Variants in TASOR observed in about 807,000 individuals in gnomAD.
TASOR encodes transcription activation suppressor, also known as protein TASOR.
In TASOR, 53 loss-of-function variants were observed where a neutral mutation model predicts 178.6. That is an observed-to-expected ratio of 0.30 (90% CI 0.24 to 0.37). TASOR has a LOEUF of 0.37. Ranked by LOEUF, TASOR falls within the 10% of genes least tolerant of loss-of-function variation. TASOR has a pLI of 1.00. For synonymous variants in TASOR, 713 were observed against 696.2 expected, an observed-to-expected ratio of 1.02 and a Z score of -0.38; for missense variants, 1,815 against 1,971.4, an observed-to-expected ratio of 0.92 and a Z score of 1.50.
Position 56,633,812 on chromosome 3 carries a change from C to G in TASOR, c.2979G>C (p.Val993=). The G allele has an allele frequency of 6.2e-7, 1 of 1,614,186 alleles. No individual in the cohort carries two copies. Among genetic ancestry groups the G allele is most frequent in the Non-Finnish European group, 8.5e-7 (1 of 1,180,042 alleles). The change falls in exon 18 of 24, where the codon GTG becomes GTC. Residue 993 remains valine, a synonymous_variant. Coordinates refer to ENST00000683822, the MANE Select transcript of TASOR (RefSeq NM_001365635.2). ...DTLKGTTEDD[V]LTGQVEEQCV... ...ACTGCTCCTCCACCTGACCTGTCAA[C>G]ACGTCATCCTCAGTGGTGCCCTTTA... is the stretch of plus-strand genomic sequence containing the variant.
intron 6 of TASOR, among the ~76,000 whole-genome samples, chr3:56,666,638 A>G (rs751486256): frequency 6.6e-6 from 1 of 152,218 alleles, no homozygotes; most frequent in African/African-American, 2.4e-5. Flanking sequence ...TGAAGAGTTG[A>G]CCACCGGGAG....
In TASOR at chr3:56,646,682, A is replaced by T; in HGVS notation, c.2055T>A (p.Ile685=). 1 of 1,613,890 alleles carries T rather than the reference A, an allele frequency of 6.2e-7. No homozygotes were observed. The change falls in exon 14 of 24, where the codon ATT becomes ATA. Residue 685 remains isoleucine, a synonymous_variant. Transcript: ENST00000683822. ...DYDKDRVKEL[I]NLIQCRKKSV... is the part of the protein sequence containing the mutation. ...TCTTTTTCCTACACTGAATTAAATT[A>T]ATCAATTCTTTGACTCTATCCTTAT...
At chr3:56,645,444 TA>T (rs1578227501) in intron 14 of TASOR, among the ~76,000 whole-genome samples, 1 of 152,140 alleles carries the variant, frequency 6.6e-6, no homozygotes, top group African/African-American at 2.4e-5. Flanking sequence ...AGTTGCTTAA[TA>T]AAAAGCATAA....
rs1050925961 is a variant in TASOR, at chr3:56,677,613, T to C, written c.332-3888A>G. Reference sequence around the variant, plus strand: ...GAAATATATGATGTGTGTGTGCATATGGGTATTAGACATACAATGTCCAAT... The same window carrying C: ...GAAATATATGATGTGTGTGTGCATACGGGTATTAGACATACAATGTCCAAT... On this transcript the variant is annotated intron_variant, in intron 1 of 23. Transcript: ENST00000683822. 7.2e-5 allele frequency among the ~76,000 whole-genome samples: 11 copies of C among 152,302 alleles called. No individual in the cohort carries two copies. In the East Asian group the frequency reaches 9.6e-4, roughly 13 times the overall value.
chr3:56,620,526 A>G lies in TASOR; in HGVS notation c.*2511T>C. Reference sequence around the variant, plus strand: ...CTTGAGGAAGAGTAAGCTGTGTTTAAAAGTGCCCTTTTCCATGTCGTCATG... The same window carrying G: ...CTTGAGGAAGAGTAAGCTGTGTTTAGAAGTGCCCTTTTCCATGTCGTCATG... On this transcript the variant is annotated 3_prime_UTR_variant, in exon 24 of 24. Coordinates refer to ENST00000683822, the MANE Select transcript of TASOR (RefSeq NM_001365635.2). 6.6e-6 allele frequency: 1 copy of G among 152,312 alleles called. No individual in the cohort carries two copies. Among genetic ancestry groups the G allele is most frequent in the South Asian group, 2.1e-4 (1 of 4,828 alleles). 9.4% of individuals were successfully genotyped at this position (152,312 alleles called of 1,614,324 possible). A position where few individuals can be genotyped will look rare whatever the true frequency, so the allele number is the denominator to read the frequency against.
intron 22 of TASOR, 75 bp downstream of exon 22, chr3:56,624,753 C>A: frequency 1.3e-6 from 2 of 1,551,836 alleles, no homozygotes; most frequent in East Asian, 2.3e-5. Flanking sequence ...TTAGCAATAC[C>A]CACCACAGCC....
At chr3:56,639,293 C>T (rs549144504) in intron 16 of TASOR, among the ~76,000 whole-genome samples, 1 of 141,930 alleles carries the variant, frequency 7.0e-6, no homozygotes, top group East Asian at 2.2e-4. Context: ...AAGACGTATA[C>T]CCTGAAAATA....
chr3:56,644,086 G>C (rs1017464343), intron 14 of TASOR, among the ~76,000 whole-genome samples: 13 of 152,292 alleles, frequency 8.5e-5, no homozygotes, highest in Admixed American at 8.5e-4. Flanking sequence ...CATATAATGT[G>C]CTCAGTGACA....
chr3:56,670,486 G>T (rs2030565045), intron 3 of TASOR, among the ~76,000 whole-genome samples: 2 of 152,086 alleles, frequency 1.3e-5, no homozygotes, highest in African/African-American at 4.8e-5. Flanking sequence ...AACTACAAGT[G>T]CTCACCACCA....
At chr3:56,625,520 G>A (rs1032317053) in intron 21 of TASOR, among the ~76,000 whole-genome samples, 2 of 152,114 alleles carry the variant, frequency 1.3e-5, no homozygotes, top group African/African-American at 4.8e-5. Flanking sequence ...GGTGGCTCAT[G>A]CCTGTAATCC....
At chr3:56,642,047 CAA>C (rs772174783) in intron 14 of TASOR, among the ~76,000 whole-genome samples, 1 of 152,180 alleles carries the variant, frequency 6.6e-6, no homozygotes, top group Admixed American at 6.5e-5. Flanking sequence ...ATCAAAATCT[CAA>C]AGTCAACCAG....
chr3:56,683,070 G>A lies in TASOR; in HGVS notation c.-64C>T. 2 of 1,429,686 alleles carry A rather than the reference G, an allele frequency of 1.4e-6. No homozygotes were observed. The highest frequency in any genetic ancestry group is 1.8e-6 in the Non-Finnish European group (2 of 1,086,534). 88.6% of individuals were successfully genotyped at this position (1,429,686 alleles called of 1,614,324 possible). A position where few individuals can be genotyped will look rare whatever the true frequency, so the allele number is the denominator to read the frequency against. ...AAGGTCGACGGGTGTGGGGGGAAGG[G>A]GCGGCGGGCCAGTCTCGCCGCCGAG... On this transcript the variant is annotated 5_prime_UTR_variant, in exon 1 of 24. Transcript: ENST00000683822.
chr3:56,622,613 G>A lies in TASOR; in HGVS notation c.*424C>T, dbSNP rs770284849. 6.5e-6 allele frequency: 1 copy of A among 152,994 alleles called. No individual in the cohort carries two copies. Among genetic ancestry groups the A allele is most frequent in the Non-Finnish European group, 1.5e-5 (1 of 68,386 alleles). 9.5% of individuals were successfully genotyped at this position (152,994 alleles called of 1,614,324 possible). On this transcript the variant is annotated 3_prime_UTR_variant, in exon 24 of 24. Coordinates refer to ENST00000683822, the MANE Select transcript of TASOR (RefSeq NM_001365635.2). ...CCAAAATCCTGTAAATATTAACACT[G>A]CTATTACTGACTTATACCTGTGTAA...
At position 56,621,593 on chromosome 3, in the gene TASOR, AAG is replaced by A. The variant is rs570037412; in HGVS notation, c.*1442_*1443del. On this transcript the variant is annotated 3_prime_UTR_variant, in exon 24 of 24. Transcript: ENST00000683822. Reference sequence around the variant, plus strand: ...CTCCTGCCTTTAGCTGAAAATCAAGAAGAGAGTTTTGGTTCTTCATTTTAAAT... The same window carrying A: ...CTCCTGCCTTTAGCTGAAAATCAAGAAGAGTTTTGGTTCTTCATTTTAAAT... 1.9e-6 allele frequency: 3 copies of A among 1,599,666 alleles called. No homozygotes were observed. The highest frequency in any genetic ancestry group is 1.7e-4 in the Middle Eastern group (1 of 6,028).
intron 11 of TASOR, among the ~76,000 whole-genome samples, chr3:56,657,490 T>TTTTACTCTTCGCATACCTTTA (rs2077497883): frequency 6.6e-6 from 1 of 152,148 alleles, no homozygotes; most frequent in Admixed American, 6.5e-5. Flanking sequence ...TGCTTTCATA[T>TTTTACTCTTCGCATACCTTTA]CCCCCACAAA....
intron 17 of TASOR, among the ~76,000 whole-genome samples, chr3:56,634,670 G>C (rs965689278): frequency 1.2e-4 from 19 of 152,126 alleles, no homozygotes; most frequent in African/African-American, 4.6e-4. Context: ...AATTCTAAAA[G>C]AAAAGATAGC....
intron 14 of TASOR, among the ~76,000 whole-genome samples, chr3:56,642,688 G>A (rs535376962): frequency 2.0e-5 from 3 of 152,252 alleles, no homozygotes; most frequent in East Asian, 1.9e-4. Flanking sequence ...ATATAAAAAT[G>A]TTCTGGCCAG....
chr3:56,670,540 C>A (rs991519273), intron 3 of TASOR, among the ~76,000 whole-genome samples: 13 of 152,146 alleles, frequency 8.5e-5, no homozygotes, highest in African/African-American at 3.1e-4. Flanking sequence ...CCAGGTGTGA[C>A]AGATACTCTT....
At chr3:56,681,867 G>A (rs545734573) in intron 1 of TASOR, among the ~76,000 whole-genome samples, 3 of 152,188 alleles carry the variant, frequency 2.0e-5, no homozygotes, top group African/African-American at 7.2e-5. Context: ...TTCCATATGG[G>A]TTCCAAAAAC....
Sources: gnomAD v4.1 joint callset for allele counts (sites outside exome capture counted in the v4.1 genomes callset) on GRCh38, gnomAD v4.1.1 for gene constraint, MANE v1.5 for transcripts, NCBI Gene and HGNC (gene_info 2026-07-23, HGNC 2026-07-21) for gene names.